MEGF11: variants seen among roughly 807,000 people sequenced by gnomAD.
MEGF11 encodes the protein multiple EGF like domains 11.
MEGF11 carries 126 observed loss-of-function variants against 146.6 expected under a neutral mutation model. The observed-to-expected ratio is 0.86, with a 90% CI of 0.74 to 1.00. The LOEUF (loss-of-function observed/expected upper bound fraction) is 1.00. Among genes scored for constraint, MEGF11 ranks in the 50% least tolerant of loss-of-function variants. The pLI, the probability that MEGF11 is intolerant of heterozygous loss-of-function variation, is 0.00. For missense variants in MEGF11, 1,509 were observed against 1,521.2 expected, an observed-to-expected ratio of 0.99 and a Z score of 0.13; for synonymous variants, 532 against 583.4, an observed-to-expected ratio of 0.91 and a Z score of 1.27.
intron 1 of MEGF11, among the ~76,000 whole-genome samples, chr15:66,237,325 T>TCC (rs5813387): frequency 6.6e-6 from 1 of 151,562 alleles, no homozygotes; most frequent in Non-Finnish European, 1.5e-5. Flanking sequence ...TCCAACTCAC[T>TCC]CCCCCCAACA....
chr15:66,011,244 G>A lies in MEGF11; in HGVS notation c.395-28756C>T, dbSNP rs571473310. ...TCCTGAGGGAGCAGTGAGGAGGGAG[G>A]GGACTGAGAAGGAAGGTGGTATGGG... On this transcript the variant is annotated intron_variant, in intron 5 of 25. Coordinates refer to ENST00000395614, the MANE Select transcript of MEGF11 (RefSeq NM_001385028.1). Among the ~76,000 whole-genome samples, 383 of 152,194 alleles carry A rather than the reference G, an allele frequency of 2.5e-3. 1 individual carries two copies. The highest frequency in any genetic ancestry group is 0.01 in the Middle Eastern group (3 of 294).
At chr15:66,210,532 C>T (rs1430359342) in intron 1 of MEGF11, among the ~76,000 whole-genome samples, 1 of 152,178 alleles carries the variant, frequency 6.6e-6, no homozygotes, top group Non-Finnish European at 1.5e-5. Flanking sequence ...CACCTCCCAA[C>T]CACCCCAGGC....
chr15:65,913,582 C>T (rs2141203652), intron 20 of MEGF11, 155 bp downstream of exon 20: 1 of 678,884 alleles, frequency 1.5e-6, no homozygotes, highest in South Asian at 1.8e-5. Flanking sequence ...CAGATATCTT[C>T]TCTAGGTAGG....
intron 5 of MEGF11, among the ~76,000 whole-genome samples, chr15:66,034,575 A>T (rs1243441787): frequency 6.6e-6 from 1 of 151,994 alleles, no homozygotes; most frequent in Non-Finnish European, 1.5e-5. Flanking sequence ...ACATGCCACC[A>T]TGCCTGGCTA....
At chr15:66,159,714 G>C (rs1210062776) in intron 1 of MEGF11, among the ~76,000 whole-genome samples, 1 of 152,140 alleles carries the variant, frequency 6.6e-6, no homozygotes, top group Admixed American at 6.5e-5. Context: ...ACATGATCTT[G>C]GTGCAGTGGT....
In MEGF11 at chr15:66,252,910, G is replaced by A. The variant is rs531857120; in HGVS notation, c.-9+695C>T. On this transcript the variant is annotated intron_variant, in intron 1 of 25. Coordinates refer to ENST00000395614, the MANE Select transcript of MEGF11 (RefSeq NM_001385028.1). ...GCTTCTCCTTTAACTTTGGGAGCCA[G>A]GGTCGCAGTCTAGGGCAGGAGGATC... is the stretch of plus-strand genomic sequence containing the variant. Among the ~76,000 whole-genome samples the A allele has an allele frequency of 3.3e-5, 5 of 152,294 alleles. No homozygotes were observed. The East Asian group carries it at 5.8e-4, about 18-fold the overall frequency.
intron 1 of MEGF11, among the ~76,000 whole-genome samples, chr15:66,219,253 T>A (rs888399363): frequency 6.6e-6 from 1 of 152,042 alleles, no homozygotes; most frequent in African/African-American, 2.4e-5. Flanking sequence ...AAAGACACTG[T>A]GAAGAGAATG....
intron 1 of MEGF11, among the ~76,000 whole-genome samples, chr15:66,246,229 C>T (rs1037209992): frequency 3.3e-5 from 5 of 152,096 alleles, no homozygotes; most frequent in Non-Finnish European, 7.4e-5. Flanking sequence ...TGCTCTCCAG[C>T]CTGAGTGACA....
At chr15:65,964,270 C>CCCAAG (rs1050615517) in intron 9 of MEGF11, among the ~76,000 whole-genome samples, 3 of 152,194 alleles carry the variant, frequency 2.0e-5, no homozygotes, top group African/African-American at 4.8e-5. Flanking sequence ...CCCGGATGTC[C>CCCAAG]CCAAGCCACA....
chr15:66,189,615 T>A (rs1360968927), intron 1 of MEGF11, among the ~76,000 whole-genome samples: 1 of 152,144 alleles, frequency 6.6e-6, no homozygotes, highest in African/African-American at 2.4e-5. Context: ...AGGGCACCAC[T>A]GGAGTCTCAT....
chr15:66,242,701 C>T (rs1466530370), intron 1 of MEGF11, among the ~76,000 whole-genome samples: 1 of 152,172 alleles, frequency 6.6e-6, no homozygotes, highest in African/African-American at 2.4e-5. Context: ...CCTCCCCATA[C>T]AAGTGGGACA....
At chr15:66,180,098 G>A (rs1323459344) in intron 1 of MEGF11, among the ~76,000 whole-genome samples, 1 of 152,158 alleles carries the variant, frequency 6.6e-6, no homozygotes. Flanking sequence ...CTCCACAGTT[G>A]AAAAATTCAA....
intron 2 of MEGF11, among the ~76,000 whole-genome samples, chr15:66,127,279 C>T (rs1209831523): frequency 6.6e-6 from 1 of 152,228 alleles, no homozygotes; most frequent in African/African-American, 2.4e-5. Flanking sequence ...CCTTTTGCTC[C>T]ATCCTCAACT....
At chr15:66,002,980 C>CA (rs2082409028) in intron 5 of MEGF11, among the ~76,000 whole-genome samples, 2 of 12,598 alleles carry the variant, frequency 1.6e-4, no homozygotes, top group South Asian at 0.042. Context: ...CTGTTTCTTT[C>CA]TTTTCTTTCT....
At chr15:65,948,885 G>C (rs1020628016) in intron 10 of MEGF11, among the ~76,000 whole-genome samples, 2 of 152,122 alleles carry the variant, frequency 1.3e-5, no homozygotes, top group African/African-American at 4.8e-5. Flanking sequence ...TGCAGTGTTT[G>C]TACTCCTCTG....
chr15:66,119,330 A>G (rs1253662420), intron 3 of MEGF11, 144 bp from the exon 4 acceptor site: 2 of 640,644 alleles, frequency 3.1e-6, no homozygotes, highest in South Asian at 1.9e-5. Context: ...AAGGAACACA[A>G]TAAAAAAATC....
chr15:66,219,089 A>C (rs2091666131), intron 1 of MEGF11, among the ~76,000 whole-genome samples: 1 of 151,560 alleles, frequency 6.6e-6, no homozygotes, highest in Non-Finnish European at 1.5e-5. Flanking sequence ...TAAATTCAAA[A>C]TGGACGGTCT....
In MEGF11 at chr15:66,113,754, G is replaced by A. The variant is rs140091327; in HGVS notation, c.301+5332C>T. On this transcript the variant is annotated intron_variant, in intron 4 of 25. Coordinates refer to ENST00000395614, the MANE Select transcript of MEGF11 (RefSeq NM_001385028.1). ...AAATTAGCCAGGTGCGGTGTCGGGC[G>A]CCTGTAGTCCCAGCTATTCTGGAGG... is the stretch of plus-strand genomic sequence containing the variant. Among the ~76,000 whole-genome samples, 963 of 152,188 alleles carry A rather than the reference G, an allele frequency of 6.3e-3. 4 individuals are homozygous for A. The highest frequency in any genetic ancestry group is 0.011 in the Non-Finnish European group (727 of 67,992).
rs982572654 is a variant in MEGF11, at chr15:65,897,773, T to TA, written c.*160dup. 1.2e-4 allele frequency: 79 copies of TA among 634,910 alleles called. No individual in the cohort carries two copies. The African/African-American group carries it at 1.3e-3, about 11-fold the overall frequency. 39.3% of individuals were successfully genotyped at this position (634,910 alleles called of 1,614,324 possible). A position where few individuals can be genotyped will look rare whatever the true frequency, so the allele number is the denominator to read the frequency against. On this transcript the variant is annotated 3_prime_UTR_variant, in exon 26 of 26. Coordinates refer to ENST00000395614, the MANE Select transcript of MEGF11 (RefSeq NM_001385028.1). ...TTGAGAACACAATTCCTTGAACAAT[T>TA]ATCCCAGTCCCACCTGGACGCTCTT... is the stretch of plus-strand genomic sequence containing the variant.
Sources: allele counts gnomAD v4.1 joint callset (sites outside exome capture counted in the v4.1 genomes callset), GRCh38; gene constraint gnomAD v4.1.1; transcripts MANE v1.5; gene names NCBI Gene and HGNC (gene_info 2026-07-23, HGNC 2026-07-21).